UBE2E1: variants seen among roughly 807,000 people sequenced by gnomAD.
The protein encoded by UBE2E1 is ubiquitin-conjugating enzyme E2 E1.
In UBE2E1, 6 loss-of-function variants were observed where a neutral mutation model predicts 21.4. The observed-to-expected ratio is 0.28, with a 90% CI of 0.15 to 0.55. The LOEUF is 0.55. Among genes scored for constraint, UBE2E1 ranks in the 20% least tolerant of loss-of-function variants. The pLI is 0.93. For synonymous variants in UBE2E1, 87 were observed against 82.7 expected, an observed-to-expected ratio of 1.05 and a Z score of -0.28; for missense variants, 142 against 236.5, an observed-to-expected ratio of 0.60 and a Z score of 2.62.
chr3:23,879,653 G>A (rs755665821), intron 3 of UBE2E1, among the ~76,000 whole-genome samples: 2 of 152,204 alleles, frequency 1.3e-5, no homozygotes, highest in African/African-American at 2.4e-5. Context: ...ATACCTGTCC[G>A]TGGGCACCAG....
chr3:23,862,207 G>C (rs1273908714), intron 3 of UBE2E1, among the ~76,000 whole-genome samples: 1 of 152,056 alleles, frequency 6.6e-6, no homozygotes, highest in Admixed American at 6.6e-5. Context: ...ACAGTGCAAA[G>C]CTATTAAAAT....
At chr3:23,883,439 G>A (rs950672928) in intron 3 of UBE2E1, among the ~76,000 whole-genome samples, 2 of 152,184 alleles carry the variant, frequency 1.3e-5, no homozygotes, top group African/African-American at 4.8e-5. Context: ...CACCCCTGGG[G>A]ATGGGACTGC....
chr3:23,881,752 C>T (rs9829106), intron 3 of UBE2E1, among the ~76,000 whole-genome samples: 261 of 152,290 alleles, frequency 1.7e-3, no homozygotes, highest in African/African-American at 5.7e-3. Context: ...AATGAAGCCG[C>T]GGACCCTCAC....
Position 23,887,756 on chromosome 3 carries a change from G to T in UBE2E1, c.336+57G>T. On this transcript the variant is annotated intron_variant, in intron 4 of 5. Coordinates refer to ENST00000306627, the MANE Select transcript of UBE2E1 (RefSeq NM_003341.5). This position sits in a 1 kb window ranked among gnomAD's most constrained non-coding sequence, Gnocchi z 4.4. ...TAATTCCCACAAGAGAGCAACTGTT[G>T]AGGTTTTTCTAAATTTAATTTTTAA... The T allele has an allele frequency of 6.5e-7, 1 of 1,549,314 alleles. No individual in the cohort carries two copies.
chr3:23,874,646 T>C (rs899669830), intron 3 of UBE2E1, among the ~76,000 whole-genome samples: 2 of 152,302 alleles, frequency 1.3e-5, no homozygotes, highest in Middle Eastern at 3.4e-3. Flanking sequence ...CTGACTCGTT[T>C]TTTCTAACTT....
chr3:23,808,371 CCTT>C lies in UBE2E1; in HGVS notation c.152+953_152+955del, dbSNP rs1367619239. ...AGCTCTGAGACACCCTTTCATAAAT[CCTT>C]CTGCTCTCAGAGTTAGGCAGTTGTT... On this transcript the variant is annotated intron_variant, in intron 2 of 5. Coordinates refer to ENST00000306627, the MANE Select transcript of UBE2E1 (RefSeq NM_003341.5). This position sits in a 1 kb window ranked among gnomAD's most constrained non-coding sequence, Gnocchi z 4.9. Among the ~76,000 whole-genome samples, 1 of 152,168 alleles carries C rather than the reference CCTT, an allele frequency of 6.6e-6. No homozygotes were observed. The highest frequency in any genetic ancestry group is 1.5e-5 in the Non-Finnish European group (1 of 68,028).
At chr3:23,854,186 A>G (rs1166990290) in intron 3 of UBE2E1, among the ~76,000 whole-genome samples, 4 of 147,400 alleles carry the variant, frequency 2.7e-5, no homozygotes, top group Non-Finnish European at 5.9e-5. Flanking sequence ...TGAACCTGAG[A>G]GGCAGAGGTT....
intron 3 of UBE2E1, among the ~76,000 whole-genome samples, chr3:23,880,258 C>T (rs1195290463): frequency 6.6e-6 from 1 of 152,234 alleles, no homozygotes; most frequent in Admixed American, 6.5e-5. Flanking sequence ...TGGCGGATGC[C>T]TGTAATCCCA....
intron 3 of UBE2E1, among the ~76,000 whole-genome samples, chr3:23,885,949 C>T (rs1174556926): frequency 6.6e-6 from 1 of 152,114 alleles, no homozygotes; most frequent in East Asian, 1.9e-4. Context: ...ATAATCCCAG[C>T]ACTCTGGGAG....
At position 23,876,375 on chromosome 3, in the gene UBE2E1, A is replaced by G. The variant is rs1424710394; in HGVS notation, c.204-11192A>G. 2.0e-5 allele frequency among the ~76,000 whole-genome samples: 3 copies of G among 152,220 alleles called. No individual in the cohort carries two copies. Among genetic ancestry groups the G allele is most frequent in the Non-Finnish European group, 2.9e-5 (2 of 68,036 alleles). On this transcript the variant is annotated intron_variant, in intron 3 of 5. Transcript: ENST00000306627. This position sits in a 1 kb window ranked among gnomAD's most constrained non-coding sequence, Gnocchi z 4.3. ...TCCTTCTGCCACTCGCTTCTAGGTT[A>G]CAAAAGGTTACTGTTTTATGAAGGG...
chr3:23,885,240 C>G (rs1701154683), intron 3 of UBE2E1, among the ~76,000 whole-genome samples: 1 of 152,206 alleles, frequency 6.6e-6, no homozygotes, highest in East Asian at 1.9e-4. Flanking sequence ...GGATTTCTAC[C>G]CCCTAACCCA....
At chr3:23,851,277 G>A (rs980276525) in intron 3 of UBE2E1, among the ~76,000 whole-genome samples, 2 of 152,102 alleles carry the variant, frequency 1.3e-5, no homozygotes, top group Admixed American at 6.5e-5. Context: ...CTGGTACTAC[G>A]ATGTCTTAAT....
intron 3 of UBE2E1, among the ~76,000 whole-genome samples, chr3:23,883,061 C>T (rs1368747655): frequency 6.6e-6 from 1 of 152,158 alleles, no homozygotes; most frequent in African/African-American, 2.4e-5. Flanking sequence ...CAAGAGCGAG[C>T]GAGGGCTGCC....
chr3:23,841,193 T>G (rs1407890546), intron 3 of UBE2E1, among the ~76,000 whole-genome samples: 1 of 152,230 alleles, frequency 6.6e-6, no homozygotes, highest in Non-Finnish European at 1.5e-5. Context: ...CTTTACATCA[T>G]GAGCGAGGAA....
At chr3:23,855,768 T>C (rs1454179969) in intron 3 of UBE2E1, among the ~76,000 whole-genome samples, 2 of 151,938 alleles carry the variant, frequency 1.3e-5, no homozygotes, top group Admixed American at 1.3e-4. Flanking sequence ...AGGCGGAGCT[T>C]GCAGTGAGCC....
At chr3:23,855,438 T>C (rs1700413363) in intron 3 of UBE2E1, among the ~76,000 whole-genome samples, 1 of 152,206 alleles carries the variant, frequency 6.6e-6, no homozygotes. Context: ...AATATAGCTT[T>C]AGATTTTTGT....
chr3:23,840,589 A>T (rs565996144), intron 3 of UBE2E1, among the ~76,000 whole-genome samples: 1 of 152,300 alleles, frequency 6.6e-6, no homozygotes, highest in South Asian at 2.1e-4. Flanking sequence ...TGGATGGCCC[A>T]TAAGTTACCA....
At chr3:23,840,350 C>T (rs189897066) in intron 3 of UBE2E1, among the ~76,000 whole-genome samples, 8 of 152,152 alleles carry the variant, frequency 5.3e-5, no homozygotes, top group Middle Eastern at 3.4e-3. Context: ...TTGTTGGATA[C>T]CAAACATTGT....
Position 23,882,886 on chromosome 3 carries a change from C to T in UBE2E1, c.204-4681C>T, listed in dbSNP as rs114716053. On this transcript the variant is annotated intron_variant, in intron 3 of 5. Coordinates refer to ENST00000306627, the MANE Select transcript of UBE2E1 (RefSeq NM_003341.5). ...AACTCTCGCTGTTCCATGAGCACTGCGCGCAGCCCCAGTTCCCACCCGCGC... is the reference window on the plus strand; with the variant it reads ...AACTCTCGCTGTTCCATGAGCACTGTGCGCAGCCCCAGTTCCCACCCGCGC... Among the ~76,000 whole-genome samples, 702 of 152,316 alleles carry T rather than the reference C, an allele frequency of 4.6e-3. 10 individuals are homozygous for T. Among genetic ancestry groups the T allele is most frequent in the African/African-American group, 0.016 (655 of 41,576 alleles).
Sources: gnomAD v4.1 joint callset for allele counts (sites outside exome capture counted in the v4.1 genomes callset) on GRCh38, gnomAD v4.1.1 for gene constraint, Gnocchi (gnomAD v3.1) non-coding constraint, MANE v1.5 for transcripts, NCBI Gene and HGNC (gene_info 2026-07-23, HGNC 2026-07-21) for gene names.